ANKRD42: variants seen among roughly 807,000 people sequenced by gnomAD.
ANKRD42 encodes ankyrin repeat domain 42, also known as ankyrin repeat domain-containing protein 42.
ANKRD42 carries 43 observed loss-of-function variants against 51.5 expected under a neutral mutation model. The observed-to-expected ratio is 0.83, with a 90% CI of 0.65 to 1.08. The LOEUF (loss-of-function observed/expected upper bound fraction) is 1.08, where lower values mean the gene tolerates loss of function less well. Ranked by LOEUF, ANKRD42 falls within the 50% of genes least tolerant of loss-of-function variation. The probability of loss-of-function intolerance (pLI) is 0.00; values close to 1 mark genes in which losing one functional copy is unlikely to be tolerated. For missense variants in ANKRD42, 608 were observed against 629.3 expected (o/e 0.97, Z 0.36); for synonymous variants, 203 against 213.0 (o/e 0.95, Z 0.41).
At chr11:83,197,145 ATCTT>A (rs1357183143) in intron 1 of ANKRD42, among the ~76,000 whole-genome samples, 1 of 152,126 alleles carries the variant, frequency 6.6e-6, no homozygotes, top group Non-Finnish European at 1.5e-5. Flanking sequence ...TTTGCCATAT[ATCTT>A]AATTGTTCTT....
intron 5 of ANKRD42, among the ~76,000 whole-genome samples, chr11:83,224,542 T>G (rs976035470): frequency 3.3e-5 from 5 of 152,188 alleles, no homozygotes; most frequent in African/African-American, 1.2e-4. Context: ...TTCCTGTCAT[T>G]TGGGGCAGGG....
chr11:83,222,154 C>T (rs1435780797), intron 5 of ANKRD42, among the ~76,000 whole-genome samples: 1 of 152,166 alleles, frequency 6.6e-6, no homozygotes, highest in African/African-American at 2.4e-5. Flanking sequence ...GTCTCATCCT[C>T]ATATTTGAAT....
rs1862828576 is a variant in ANKRD42, at chr11:83,224,914, A to C, written c.646A>C (p.Ser216Arg). 1 of 1,611,822 alleles carries C rather than the reference A, an allele frequency of 6.2e-7. No homozygotes were observed. The highest frequency in any genetic ancestry group is 2.2e-5 in the East Asian group (1 of 44,820). ...TTTCAAATTCCTAGTCAGTAGAATG[A>C]GCAGTGCGACGCAAGTTTTAAAAGC... ...HCFKFLVSRM[S>R]SATQVLKAFN... Residue 216 changes from serine (S) to arginine (R), a missense_variant, in exon 6 of 11, where the codon AGC (serine) becomes CGC (arginine). Ser to Arg is a moderately radical substitution (Grantham distance 110, BLOSUM62 -1). Coordinates refer to ENST00000533342, the MANE Select transcript of ANKRD42 (RefSeq NM_001300975.2).
At chr11:83,225,152 C>G (rs1862838293) in intron 6 of ANKRD42, 97 bp downstream of exon 6, 5 of 1,029,990 alleles carry the variant, frequency 4.9e-6, no homozygotes, top group Non-Finnish European at 1.4e-6. Flanking sequence ...AGATATAAGG[C>G]AAATGTTATA....
At chr11:83,247,364 T>C (rs534733889) in intron 10 of ANKRD42, among the ~76,000 whole-genome samples, 1 of 152,226 alleles carries the variant, frequency 6.6e-6, no homozygotes, top group African/African-American at 2.4e-5. Flanking sequence ...CCACCGCGCC[T>C]GGCCTCCCTT....
intron 9 of ANKRD42, among the ~76,000 whole-genome samples, chr11:83,241,841 G>C (rs2135551601): frequency 6.6e-6 from 1 of 152,270 alleles, no homozygotes; most frequent in Middle Eastern, 3.4e-3. Flanking sequence ...GTGGGTGATA[G>C]ACTGGGAGGT....
chr11:83,253,676 A>G (rs1044684531), downstream of ANKRD42, among the ~76,000 whole-genome samples: 3 of 152,208 alleles, frequency 2.0e-5, no homozygotes, highest in Non-Finnish European at 4.4e-5. Flanking sequence ...TTAGGAGAAA[A>G]CATGTATTGG....
intron 4 of ANKRD42, 52 bp from the exon 5 acceptor site, chr11:83,211,243 A>T: frequency 6.2e-7 from 1 of 1,604,630 alleles, no homozygotes; most frequent in Non-Finnish European, 8.5e-7. Flanking sequence ...TAGGCTTAGT[A>T]TTTCCCCTAC....
chr11:83,196,783 A>G (rs554480338), intron 1 of ANKRD42, among the ~76,000 whole-genome samples: 17 of 152,136 alleles, frequency 1.1e-4, no homozygotes, highest in Non-Finnish European at 2.1e-4. Flanking sequence ...ATAAATCGGG[A>G]TGGAATGTAG....
chr11:83,228,522 C>A (rs1862968928), intron 7 of ANKRD42, among the ~76,000 whole-genome samples: 1 of 152,016 alleles, frequency 6.6e-6, no homozygotes, highest in Non-Finnish European at 1.5e-5. Flanking sequence ...AGCCACCATG[C>A]CTGGCCTGAT....
intron 3 of ANKRD42, chr11:83,209,807 A>G (rs569594357): frequency 3.6e-6 from 2 of 553,136 alleles, no homozygotes; most frequent in East Asian, 3.2e-5. Flanking sequence ...GGGTAGAGCC[A>G]CCACCACCAT....
At chr11:83,213,086 T>TA (rs748908090) in intron 5 of ANKRD42, 24 of 1,600,632 alleles carry the variant, frequency 1.5e-5, no homozygotes, top group Middle Eastern at 1.6e-4. Flanking sequence ...GACTGACTGA[T>TA]ATGTCAAAAT....
rs554224787 is a variant in ANKRD42, at chr11:83,236,286, C to T, written c.914-118C>T. ...CCCAATGTACTTTTGCCAGTTACTG[C>T]AAGGATCAATACTTAACTAAGTACT... On this transcript the variant is annotated intron_variant, in intron 7 of 10. Transcript: ENST00000533342. 3.9e-5 allele frequency: 24 copies of T among 619,862 alleles called. No individual in the cohort carries two copies. The East Asian group carries it at 6.8e-4, about 18-fold the overall frequency. 38.4% of individuals were successfully genotyped at this position (619,862 alleles called of 1,614,324 possible).
chr11:83,258,842 T>C (rs1863819901), downstream of ANKRD42, among the ~76,000 whole-genome samples: 1 of 152,164 alleles, frequency 6.6e-6, no homozygotes, highest in Non-Finnish European at 1.5e-5. Context: ...TGAGGGTTTT[T>C]CCTGACTCTT....
chr11:83,241,727 A>G (rs1265042532), intron 9 of ANKRD42, among the ~76,000 whole-genome samples: 3 of 152,116 alleles, frequency 2.0e-5, no homozygotes, highest in Non-Finnish European at 1.5e-5. Flanking sequence ...TCACTACAAA[A>G]TCTCAGCATA....
At chr11:83,258,665 TA>T (rs570836941), downstream of ANKRD42, among the ~76,000 whole-genome samples, 38 of 152,356 alleles carry the variant, frequency 2.5e-4, 1 homozygote, top group East Asian at 7.3e-3. Flanking sequence ...CAATGATAGC[TA>T]TTTTTTTTCA....
chr11:83,244,949 G>A (rs1033245000), intron 9 of ANKRD42, among the ~76,000 whole-genome samples: 1 of 151,866 alleles, frequency 6.6e-6, no homozygotes, highest in South Asian at 2.1e-4. Context: ...CTGTTGTCCA[G>A]GCTGGAGTGC....
At chr11:83,224,520 C>G (rs1215311317) in intron 5 of ANKRD42, among the ~76,000 whole-genome samples, 1 of 152,180 alleles carries the variant, frequency 6.6e-6, no homozygotes, top group Non-Finnish European at 1.5e-5. Flanking sequence ...GGAAAAAGGT[C>G]TCTTCTCCGT....
chr11:83,230,913 G>A (rs908411172), intron 7 of ANKRD42, among the ~76,000 whole-genome samples: 2 of 152,174 alleles, frequency 1.3e-5, no homozygotes, highest in African/African-American at 4.8e-5. Flanking sequence ...TGGCGGATTA[G>A]TACTGCATTG....
Sources: gnomAD v4.1 joint callset for allele counts (sites outside exome capture counted in the v4.1 genomes callset) on GRCh38, gnomAD v4.1.1 for gene constraint, MANE v1.5 for transcripts, NCBI Gene and HGNC (gene_info 2026-07-23, HGNC 2026-07-21) for gene names.